Variants in LCLAT1 observed in about 807,000 individuals in gnomAD.
LCLAT1 encodes the protein 1-AGP acyltransferase 8.
In LCLAT1, 11 loss-of-function variants were observed where a neutral mutation model predicts 30.7. The ratio of observed to expected loss-of-function variants is 0.36; its 90% CI spans 0.23 to 0.59. The LOEUF is 0.59. LCLAT1 is among the 20% of genes least tolerant of loss of function. The pLI is 0.77. For missense variants in LCLAT1, 402 were observed against 458.6 expected (o/e 0.88, Z 1.13); for synonymous variants, 155 against 151.3 (o/e 1.02, Z -0.18).
intron 5 of LCLAT1, among the ~76,000 whole-genome samples, chr2:30,585,467 A>C (rs186944693): frequency 3.0e-4 from 46 of 152,254 alleles, no homozygotes; most frequent in Admixed American, 2.9e-3. Context: ...AGGTAAGTTC[A>C]CCGTCTGCAT....
intron 5 of LCLAT1, among the ~76,000 whole-genome samples, chr2:30,569,316 T>C (rs986815140): frequency 1.3e-5 from 2 of 152,260 alleles, no homozygotes; most frequent in Admixed American, 6.5e-5. Flanking sequence ...GTTCTGCATA[T>C]TTGCAAGTTT....
intron 5 of LCLAT1, among the ~76,000 whole-genome samples, chr2:30,603,894 C>T (rs1418786953): frequency 6.6e-6 from 1 of 151,982 alleles, no homozygotes; most frequent in Non-Finnish European, 1.5e-5. Flanking sequence ...AAATTAGTGA[C>T]AGGTCTCTAG....
intron 4 of LCLAT1, among the ~76,000 whole-genome samples, chr2:30,565,249 C>T (rs1038371572): frequency 6.6e-6 from 1 of 151,996 alleles, no homozygotes; most frequent in African/African-American, 2.4e-5. Flanking sequence ...GAGTGGAGAT[C>T]CCGGGAAGTA....
intron 5 of LCLAT1, among the ~76,000 whole-genome samples, chr2:30,632,659 A>G (rs1668823589): frequency 6.6e-6 from 1 of 152,224 alleles, no homozygotes; most frequent in East Asian, 1.9e-4. Context: ...AACAAGAACA[A>G]CCTGTGAAGA....
At chr2:30,492,549 C>CT (rs1042358428) in intron 1 of LCLAT1, among the ~76,000 whole-genome samples, 5 of 144,140 alleles carry the variant, frequency 3.5e-5, no homozygotes, top group African/African-American at 1.3e-4. Context: ...AGTTTGGACT[C>CT]TAAGAAGTTA....
intron 5 of LCLAT1, among the ~76,000 whole-genome samples, chr2:30,608,765 A>C (rs1667588986): frequency 6.6e-6 from 1 of 152,026 alleles, no homozygotes; most frequent in Non-Finnish European, 1.5e-5. Context: ...TTCCCATGAC[A>C]AAAAAATTGC....
At chr2:30,580,997 G>A (rs747945656) in intron 5 of LCLAT1, among the ~76,000 whole-genome samples, 1 of 152,126 alleles carries the variant, frequency 6.6e-6, no homozygotes, top group Non-Finnish European at 1.5e-5. Flanking sequence ...TTTGCTGGAA[G>A]GCCCTGTGCT....
At chr2:30,620,345 C>T (rs1668182503) in intron 5 of LCLAT1, among the ~76,000 whole-genome samples, 1 of 152,162 alleles carries the variant, frequency 6.6e-6, no homozygotes, top group Non-Finnish European at 1.5e-5. Flanking sequence ...GGGAATGAAG[C>T]CCAGAACTCT....
At chr2:30,461,802 G>T (rs1307216846) in intron 1 of LCLAT1, among the ~76,000 whole-genome samples, 1 of 112,298 alleles carries the variant, frequency 8.9e-6, no homozygotes, top group Admixed American at 1.0e-4. Flanking sequence ...ACGGAGTCTC[G>T]CTCTGTCGCC....
At chr2:30,551,707 A>G (rs2148424444) in intron 3 of LCLAT1, among the ~76,000 whole-genome samples, 1 of 152,292 alleles carries the variant, frequency 6.6e-6, no homozygotes, top group South Asian at 2.1e-4. Context: ...CTAGCTTCTA[A>G]TGGATGCCTA....
intron 5 of LCLAT1, among the ~76,000 whole-genome samples, chr2:30,580,415 G>T (rs1666164648): frequency 6.6e-6 from 1 of 152,130 alleles, no homozygotes; most frequent in South Asian, 2.1e-4. Context: ...TATCCTTTGG[G>T]TGCAGCAACT....
At chr2:30,639,430 A>T (rs1669195751) in intron 5 of LCLAT1, among the ~76,000 whole-genome samples, 2 of 152,036 alleles carry the variant, frequency 1.3e-5, no homozygotes, top group African/African-American at 4.8e-5. Context: ...GGATGACAGG[A>T]TACAGGATCA....
intron 1 of LCLAT1, among the ~76,000 whole-genome samples, chr2:30,521,235 T>G (rs1685453296): frequency 3.3e-5 from 5 of 152,196 alleles, no homozygotes; most frequent in Admixed American, 3.3e-4. Context: ...ATCCCTTGTT[T>G]AGCATATCAT....
intron 5 of LCLAT1, among the ~76,000 whole-genome samples, chr2:30,636,952 G>A (rs1669062282): frequency 6.6e-6 from 1 of 152,182 alleles, no homozygotes; most frequent in South Asian, 2.1e-4. Context: ...GTTGTGAAAG[G>A]TGATACTGAT....
chr2:30,569,498 G>A (rs763057328), intron 5 of LCLAT1, among the ~76,000 whole-genome samples: 4 of 152,174 alleles, frequency 2.6e-5, no homozygotes, highest in African/African-American at 4.8e-5. Context: ...GCCATATTGT[G>A]TAATGGTGAT....
chr2:30,459,625 G>C (rs1375956222), intron 1 of LCLAT1: 1 of 1,613,198 alleles, frequency 6.2e-7, no homozygotes, highest in South Asian at 1.1e-5. Flanking sequence ...GCATTCCAGG[G>C]GAAGGGAAAT....
At chr2:30,451,600 G>A (rs117442969) in intron 1 of LCLAT1, among the ~76,000 whole-genome samples, 1,392 of 127,096 alleles carry the variant, frequency 0.011, 82 homozygotes, top group Admixed American at 0.091. Flanking sequence ...TGAGTAAATC[G>A]TGATATATTT....
intron 1 of LCLAT1, among the ~76,000 whole-genome samples, chr2:30,481,320 C>G (rs1251319463): frequency 6.6e-6 from 1 of 152,162 alleles, no homozygotes; most frequent in East Asian, 1.9e-4. Context: ...GTGGGTCGGT[C>G]TGCAGCTAAG....
At chr2:30,570,946 TAG>T (rs913254324) in intron 5 of LCLAT1, among the ~76,000 whole-genome samples, 48 of 152,246 alleles carry the variant, frequency 3.2e-4, no homozygotes, top group African/African-American at 1.1e-3. Flanking sequence ...AGGAGGATCT[TAG>T]AGGTCATCTA....
Sources: allele counts gnomAD v4.1 joint callset (sites outside exome capture counted in the v4.1 genomes callset), GRCh38; gene constraint gnomAD v4.1.1; transcripts MANE v1.5; gene names NCBI Gene and HGNC (gene_info 2026-07-23, HGNC 2026-07-21).